The following ERBB4 variants were observed in gnomAD, a reference collection of about 807,000 sequenced individuals.
ERBB4 encodes the protein receptor tyrosine-protein kinase erbB-4.
In ERBB4, 42 loss-of-function variants were observed where a neutral mutation model predicts 158.0. The observed-to-expected ratio is 0.27, with a 90% CI of 0.21 to 0.34. ERBB4 has a LOEUF of 0.34. ERBB4 is among the 10% of genes least tolerant of loss of function. ERBB4 has a pLI of 1.00. For synonymous variants in ERBB4, 583 were observed against 558.7 expected (o/e 1.04, Z -0.61); for missense variants, 1,333 against 1,624.1 (o/e 0.82, Z 3.08).
At chr2:212,525,144 G>T (rs1489306062) in intron 1 of ERBB4, among the ~76,000 whole-genome samples, 1 of 151,776 alleles carries the variant, frequency 6.6e-6, no homozygotes, top group African/African-American at 2.4e-5. Flanking sequence ...CCTACACAAG[G>T]GTTTACGGAA....
At chr2:212,242,864 T>C (rs2084164940) in intron 1 of ERBB4, among the ~76,000 whole-genome samples, 1 of 152,210 alleles carries the variant, frequency 6.6e-6, no homozygotes, top group Admixed American at 6.5e-5. Flanking sequence ...TTCCACACTG[T>C]GGTCTGATTG....
chr2:211,564,728 G>C (rs2067498923), intron 19 of ERBB4, among the ~76,000 whole-genome samples: 1 of 151,998 alleles, frequency 6.6e-6, no homozygotes, highest in Non-Finnish European at 1.5e-5. Context: ...CAAACATCAA[G>C]CATGAGATAT....
intron 1 of ERBB4, among the ~76,000 whole-genome samples, chr2:212,234,515 G>C (rs1371434614): frequency 6.6e-6 from 1 of 152,098 alleles, no homozygotes; most frequent in African/African-American, 2.4e-5. Context: ...GGATTGCTGG[G>C]TCAAATGGTA....
intron 1 of ERBB4, among the ~76,000 whole-genome samples, chr2:212,340,475 T>C (rs1431776374): frequency 2.6e-5 from 4 of 152,208 alleles, no homozygotes; most frequent in Non-Finnish European, 5.9e-5. Context: ...GAACTTGTTT[T>C]CCTGCAACTG....
In ERBB4 at chr2:211,558,899, G is replaced by A. The variant is rs1464259482; in HGVS notation, c.2487+3004C>T. On this transcript the variant is annotated intron_variant, in intron 20 of 27. Transcript: ENST00000342788. Reference sequence around the variant, plus strand: ...CCAATTTTAGATTCCGGGAATAAATGAGAATCAGATACAGTCAGTCTCAAG... The same window carrying A: ...CCAATTTTAGATTCCGGGAATAAATAAGAATCAGATACAGTCAGTCTCAAG... 3.3e-5 allele frequency among the ~76,000 whole-genome samples: 5 copies of A among 152,120 alleles called. No individual in the cohort carries two copies. The East Asian group carries it at 9.6e-4, about 29-fold the overall frequency.
chr2:212,505,677 G>A lies in ERBB4; in HGVS notation c.82+32772C>T, dbSNP rs569574453. Among the ~76,000 whole-genome samples, 5 of 148,970 alleles carry A rather than the reference G, an allele frequency of 3.4e-5. No homozygotes were observed. In the South Asian group the frequency reaches 1.1e-3, roughly 32 times the overall value. Reference sequence around the variant, plus strand: ...ACAGGGACAAACAGCAGGCTTGTTTGATTGCTGTAAAAGTAGGGGATACCC... The same window carrying A: ...ACAGGGACAAACAGCAGGCTTGTTTAATTGCTGTAAAAGTAGGGGATACCC... On this transcript the variant is annotated intron_variant, in intron 1 of 27. Transcript: ENST00000342788.
chr2:212,446,075 T>C (rs2092341919), intron 1 of ERBB4, among the ~76,000 whole-genome samples: 1 of 152,190 alleles, frequency 6.6e-6, no homozygotes, highest in Non-Finnish European at 1.5e-5. Flanking sequence ...GGATTGGTGC[T>C]TTTCCAGTTG....
chr2:211,468,895 A>G (rs963134477), intron 20 of ERBB4, among the ~76,000 whole-genome samples: 10 of 145,818 alleles, frequency 6.9e-5, no homozygotes, highest in East Asian at 2.0e-4. Flanking sequence ...TACAAAATAT[A>G]TATGTATATT....
At chr2:211,504,267 T>A (rs1315311855) in intron 20 of ERBB4, among the ~76,000 whole-genome samples, 1 of 152,068 alleles carries the variant, frequency 6.6e-6, no homozygotes, top group Non-Finnish European at 1.5e-5. Flanking sequence ...GTGAGCCAGA[T>A]AATATGCACA....
chr2:211,573,467 G>A lies in ERBB4; in HGVS notation c.2302-11379C>T, dbSNP rs570542275. On this transcript the variant is annotated intron_variant, in intron 19 of 27. Coordinates refer to ENST00000342788, the MANE Select transcript of ERBB4 (RefSeq NM_005235.3). ...GGGCAGATCACGAGGTCAGGAGATCGAGACCATCCTGGCTAACACGGTAAA... is the reference window on the plus strand; with the variant it reads ...GGGCAGATCACGAGGTCAGGAGATCAAGACCATCCTGGCTAACACGGTAAA... 1.0e-3 allele frequency among the ~76,000 whole-genome samples: 159 copies of A among 152,138 alleles called. No individual in the cohort carries two copies. In the Middle Eastern group the frequency reaches 0.024, roughly 23 times the overall value.
At chr2:211,991,798 T>C (rs1451698775) in intron 2 of ERBB4, among the ~76,000 whole-genome samples, 1 of 152,062 alleles carries the variant, frequency 6.6e-6, no homozygotes, top group East Asian at 1.9e-4. Context: ...AGAGAAGCAT[T>C]TTCACATGTG....
At chr2:211,950,670 T>A (rs183777611) in intron 2 of ERBB4, among the ~76,000 whole-genome samples, 5 of 152,274 alleles carry the variant, frequency 3.3e-5, no homozygotes, top group Admixed American at 3.3e-4. Flanking sequence ...AAGGGATATA[T>A]GGAATTACTC....
At chr2:212,039,552 CTTA>C (rs1217078352) in intron 2 of ERBB4, among the ~76,000 whole-genome samples, 2 of 152,146 alleles carry the variant, frequency 1.3e-5, no homozygotes, top group Non-Finnish European at 2.9e-5. Context: ...TTGAGAACTT[CTTA>C]TTAAGTAGTG....
In ERBB4 at chr2:211,974,232, G is replaced by C. The variant is rs2081541442; in HGVS notation, c.235-26616C>G. ...TGCACTTGTACTCCTGAACTTAAAA[G>C]CTTTTTTTTTAAATCATAAAATTTG... On this transcript the variant is annotated intron_variant, in intron 2 of 27. Transcript: ENST00000342788. Among the ~76,000 whole-genome samples the C allele has an allele frequency of 2.0e-5, 3 of 151,874 alleles. No homozygotes were observed. The South Asian group carries it at 6.3e-4, about 32-fold the overall frequency.
intron 2 of ERBB4, among the ~76,000 whole-genome samples, chr2:212,003,165 GA>G (rs1202325315): frequency 2.0e-3 from 48 of 23,996 alleles, no homozygotes; most frequent in Non-Finnish European, 6.7e-3. Context: ...AAGAAAGAAA[GA>G]AAGAAAGAAA....
intron 1 of ERBB4, among the ~76,000 whole-genome samples, chr2:212,265,892 C>T (rs116476943): frequency 0.018 from 2,776 of 152,124 alleles, 89 homozygotes; most frequent in African/African-American, 0.064. Context: ...AAAGTTTTCA[C>T]TTCTCCATGT....
At chr2:211,723,266 A>T (rs2074161602) in intron 6 of ERBB4, among the ~76,000 whole-genome samples, 2 of 152,178 alleles carry the variant, frequency 1.3e-5, no homozygotes, top group Admixed American at 6.5e-5. Flanking sequence ...AGAATTAAAA[A>T]CCATTTTATT....
intron 2 of ERBB4, among the ~76,000 whole-genome samples, chr2:211,972,250 G>C (rs1006446574): frequency 2.6e-5 from 4 of 152,170 alleles, no homozygotes; most frequent in African/African-American, 9.7e-5. Context: ...AAAGAAGTCA[G>C]AGATGACACA....
chr2:212,496,832 T>C (rs982634337), intron 1 of ERBB4, among the ~76,000 whole-genome samples: 1 of 152,194 alleles, frequency 6.6e-6, no homozygotes, highest in African/African-American at 2.4e-5. Context: ...ATATCCTGCA[T>C]TTTCTCTTCT....
Sources: allele counts gnomAD v4.1 joint callset (sites outside exome capture counted in the v4.1 genomes callset), GRCh38; gene constraint gnomAD v4.1.1; transcripts MANE v1.5; gene names NCBI Gene and HGNC (gene_info 2026-07-23, HGNC 2026-07-21).